RPS6KA1: variants seen among roughly 807,000 people sequenced by gnomAD.
RPS6KA1 encodes ribosomal protein S6 kinase A1, also known as ribosomal protein S6 kinase alpha-1.
In RPS6KA1, 48 loss-of-function variants were observed where a neutral mutation model predicts 91.3. The observed-to-expected ratio is 0.53, with a 90% CI of 0.42 to 0.67. The LOEUF (loss-of-function observed/expected upper bound fraction) is 0.67, where lower values mean the gene tolerates loss of function less well. Ranked by LOEUF, RPS6KA1 falls within the 30% of genes least tolerant of loss-of-function variation. The probability of loss-of-function intolerance (pLI) is 0.00; values close to 1 mark genes in which losing one functional copy is unlikely to be tolerated. For synonymous variants in RPS6KA1, 359 were observed against 384.7 expected, an observed-to-expected ratio of 0.93 and a Z score of 0.78; for missense variants, 719 against 960.5, an observed-to-expected ratio of 0.75 and a Z score of 3.32.
chr1:26,544,200 C>T (rs1308748900), intron 2 of RPS6KA1: 1 of 456,278 alleles, frequency 2.2e-6, no homozygotes, highest in Admixed American at 2.3e-5. Context: ...CTGCTTGGGG[C>T]TCGCTGACTC....
Position 26,551,669 on chromosome 1 carries a change from T to C in RPS6KA1, c.414T>C (p.Tyr138=), listed in dbSNP as rs762412901. 6.2e-7 allele frequency: 1 copy of C among 1,614,120 alleles called. No individual in the cohort carries two copies. Among genetic ancestry groups the C allele is most frequent in the African/African-American group, 1.3e-5 (1 of 75,030 alleles). Residue 138 remains tyrosine, a synonymous_variant, in exon 6 of 22, where the codon TAT becomes TAC. Coordinates refer to ENST00000374168, the MANE Select transcript of RPS6KA1 (RefSeq NM_002953.4). This position sits in a 1 kb window ranked among gnomAD's most constrained non-coding sequence, Gnocchi z 4.5. ...HYAFQTEGKL[Y]LILDFLRGGD... is the part of the protein sequence containing the mutation. ...CCTTCCAGACCGAGGGCAAGCTCTA[T>C]CTCATTCTGGACTTCCTGCGTGGTG... is the stretch of plus-strand genomic sequence containing the variant.
intron 2 of RPS6KA1, among the ~76,000 whole-genome samples, chr1:26,542,547 C>T (rs536119929): frequency 2.6e-5 from 4 of 152,318 alleles, no homozygotes; most frequent in African/African-American, 9.6e-5. Flanking sequence ...AACCCCTGCC[C>T]CATAGCTGCC....
intron 1 of RPS6KA1, chr1:26,531,373 G>A (rs1227635090): frequency 6.6e-6 from 1 of 152,384 alleles, no homozygotes; most frequent in African/African-American, 2.4e-5. Flanking sequence ...AGGTCCTGGG[G>A]GTGGTGCTCA....
At chr1:26,550,882 A>T (rs1193630867) in intron 4 of RPS6KA1, among the ~76,000 whole-genome samples, 1 of 152,186 alleles carries the variant, frequency 6.6e-6, no homozygotes, top group Non-Finnish European at 1.5e-5. Context: ...AATAAATAAT[A>T]TGAAGGGTGC....
Position 26,558,829 on chromosome 1 carries a change from C to T in RPS6KA1, c.1107C>T (p.Ser369=), listed in dbSNP as rs773074434. ...CAGATTCCCCAGGCATCCCCCCCAG[C>T]GCTGGGGCCCATCAGCTGTTCCGGG... ...TPKDSPGIPP[S]AGAHQLFRGF... Residue 369 remains serine (S), a synonymous_variant, in exon 14 of 22, where the codon AGC becomes AGT. Coordinates refer to ENST00000374168, the MANE Select transcript of RPS6KA1 (RefSeq NM_002953.4). This position sits in a 1 kb window ranked among gnomAD's most constrained non-coding sequence, Gnocchi z 4.0. The T allele has an allele frequency of 6.2e-6, 10 of 1,612,548 alleles. No individual in the cohort carries two copies. The highest frequency in any genetic ancestry group is 2.2e-5 in the East Asian group (1 of 44,818).
intron 17 of RPS6KA1, among the ~76,000 whole-genome samples, chr1:26,562,787 T>TAGTACCC (rs980083614): frequency 2.0e-5 from 3 of 150,714 alleles, no homozygotes; most frequent in Non-Finnish European, 4.4e-5. Context: ...TGTTTTCACA[T>TAGTACCC]AGTACCCAGT....
At position 26,574,159 on chromosome 1, in the gene RPS6KA1, G is replaced by A. The variant is rs759321221; in HGVS notation, c.2166G>A (p.Leu722=). The A allele has an allele frequency of 1.2e-6, 2 of 1,614,110 alleles. No homozygotes were observed. Among genetic ancestry groups the A allele is most frequent in the South Asian group, 2.2e-5 (2 of 91,082 alleles). The change falls in exon 22 of 22, where the codon CTG becomes CTA. Residue 722 remains leucine (L), a synonymous_variant. Transcript: ENST00000374168. This position sits in a 1 kb window ranked among gnomAD's most constrained non-coding sequence, Gnocchi z 4.3. ...PQLKPIESSI[L]AQRRVRKLPS... is the part of the protein sequence containing the mutation. ...TGAAGCCCATCGAGTCATCCATCCTGGCCCAGCGGCGAGTGAGGAAGTTGC... is the reference window on the plus strand; with the variant it reads ...TGAAGCCCATCGAGTCATCCATCCTAGCCCAGCGGCGAGTGAGGAAGTTGC...
At chr1:26,538,597 G>A (rs2075924135) in intron 2 of RPS6KA1, among the ~76,000 whole-genome samples, 1 of 152,166 alleles carries the variant, frequency 6.6e-6, no homozygotes, top group African/African-American at 2.4e-5. Context: ...CATACCAGGT[G>A]CTTTGCATTT....
chr1:26,532,513 G>A (rs2075875001), intron 1 of RPS6KA1, among the ~76,000 whole-genome samples: 1 of 152,176 alleles, frequency 6.6e-6, no homozygotes, highest in Admixed American at 6.5e-5. Context: ...TCCAAGAGAG[G>A]CTCCGGATGT....
rs542314451 is a variant in RPS6KA1 at position 26,558,611 on chromosome 1, C to T, written c.1085-196C>T. ...GTGAGAGTCTTTTTTGTTCCTCATG[C>T]GACAGGACTGGGCTGGTCTAATAAA... On this transcript the variant is annotated intron_variant, in intron 13 of 21. Coordinates refer to ENST00000374168, the MANE Select transcript of RPS6KA1 (RefSeq NM_002953.4). The surrounding 1 kb of genome is among the most constrained non-coding windows in gnomAD (Gnocchi z 4.0). Among the ~76,000 whole-genome samples, 22 of 152,288 alleles carry T rather than the reference C, an allele frequency of 1.4e-4. No individual in the cohort carries two copies. The highest frequency in any genetic ancestry group is 3.9e-4 in the African/African-American group (16 of 41,554).
intron 17 of RPS6KA1, among the ~76,000 whole-genome samples, chr1:26,567,842 T>C (rs1322702247): frequency 6.6e-6 from 1 of 152,164 alleles, no homozygotes; most frequent in Non-Finnish European, 1.5e-5. Context: ...TGAATACTAT[T>C]ATCAGCCCCA....
At chr1:26,530,727 CA>C (rs2075861372) in intron 1 of RPS6KA1, 1 of 1,280,112 alleles carries the variant, frequency 7.8e-7, no homozygotes, top group Non-Finnish European at 1.0e-6. Flanking sequence ...CCAGACAACC[CA>C]GCTCCTTCTC....
At chr1:26,566,529 C>T (rs1434137008) in intron 17 of RPS6KA1, among the ~76,000 whole-genome samples, 1 of 151,988 alleles carries the variant, frequency 6.6e-6, no homozygotes, top group Non-Finnish European at 1.5e-5. Context: ...CCAGGTGATC[C>T]GCCCACCTCA....
chr1:26,574,541 G>T lies in RPS6KA1; in HGVS notation c.*340G>T. On this transcript the variant is annotated 3_prime_UTR_variant, in exon 22 of 22. Coordinates refer to ENST00000374168, the MANE Select transcript of RPS6KA1 (RefSeq NM_002953.4). The surrounding 1 kb of genome is among the most constrained non-coding windows in gnomAD (Gnocchi z 4.3). ...GGCCCCAGGAGGGGAACTGAGTCAC[G>T]CTGGGGCTCTCTGAGACTCTTTAGA... The T allele has an allele frequency of 2.1e-6, 1 of 470,714 alleles. No individual in the cohort carries two copies. 29.2% of individuals were successfully genotyped at this position (470,714 alleles called of 1,614,324 possible). A position where few individuals can be genotyped will look rare whatever the true frequency, so the allele number is the denominator to read the frequency against.
chr1:26,566,634 A>T (rs142212990), intron 17 of RPS6KA1, among the ~76,000 whole-genome samples: 1 of 151,962 alleles, frequency 6.6e-6, no homozygotes, highest in East Asian at 1.9e-4. Context: ...GAAGTTGAGG[A>T]CCTCTTCATA....
chr1:26,572,020 GC>G, intron 19 of RPS6KA1, 95 bp downstream of exon 19: 1 of 1,394,490 alleles, frequency 7.2e-7, no homozygotes. Flanking sequence ...AGCCAGCCCC[GC>G]CCCAGGATGG....
intron 17 of RPS6KA1, among the ~76,000 whole-genome samples, chr1:26,564,572 T>C (rs1168513220): frequency 6.6e-6 from 1 of 152,182 alleles, no homozygotes; most frequent in Non-Finnish European, 1.5e-5. Flanking sequence ...TGCCCACCTT[T>C]AACCATGGCA....
intron 12 of RPS6KA1, 119 bp from the exon 13 acceptor site, chr1:26,556,879 C>A: frequency 1.7e-6 from 2 of 1,162,438 alleles, no homozygotes; most frequent in South Asian, 1.3e-5. Flanking sequence ...TGAGGGCAAG[C>A]AATTCCGAGA....
intron 6 of RPS6KA1, among the ~76,000 whole-genome samples, chr1:26,552,457 G>GAGAATCT (rs1485905093): frequency 7.2e-6 from 1 of 138,166 alleles, no homozygotes; most frequent in Admixed American, 7.3e-5. Flanking sequence ...AAACTTTAAA[G>GAGAATCT]AGAATCTAGC....
Sources: allele counts gnomAD v4.1 joint callset (sites outside exome capture counted in the v4.1 genomes callset), GRCh38; gene constraint gnomAD v4.1.1; non-coding constraint Gnocchi (gnomAD v3.1); transcripts MANE v1.5; gene names NCBI Gene and HGNC (gene_info 2026-07-23, HGNC 2026-07-21).